The following DLG2 variants were observed in gnomAD, a reference collection of about 807,000 sequenced individuals.
DLG2 encodes discs large MAGUK scaffold protein 2, also known as disks large homolog 2.
In DLG2, 45 loss-of-function variants were observed where a neutral mutation model predicts 132.5. The observed-to-expected ratio is 0.34, with a 90% CI of 0.27 to 0.44. The LOEUF (loss-of-function observed/expected upper bound fraction) is 0.44, where lower values mean the gene tolerates loss of function less well. DLG2 is among the 20% of genes least tolerant of loss of function. The probability of loss-of-function intolerance (pLI) is 1.00; values close to 1 mark genes in which losing one functional copy is unlikely to be tolerated. For synonymous variants in DLG2, 424 were observed against 419.6 expected (o/e 1.01, Z -0.13); for missense variants, 1,045 against 1,196.9 (o/e 0.87, Z 1.87).
intron 20 of DLG2, among the ~76,000 whole-genome samples, chr11:83,541,311 T>G (rs1003175184): frequency 2.6e-5 from 4 of 152,142 alleles, no homozygotes; most frequent in African/African-American, 9.7e-5. Flanking sequence ...GACTTGGCCT[T>G]TCTATAACAT....
At chr11:83,927,751 T>C (rs1020565830) in intron 15 of DLG2, among the ~76,000 whole-genome samples, 4 of 152,058 alleles carry the variant, frequency 2.6e-5, no homozygotes, top group African/African-American at 9.7e-5. Context: ...ACAGTGGAAA[T>C]GGTGAGACCA....
chr11:83,787,826 A>G (rs1337378790), intron 17 of DLG2, among the ~76,000 whole-genome samples: 1 of 152,230 alleles, frequency 6.6e-6, no homozygotes, highest in Non-Finnish European at 1.5e-5. Context: ...CAAATTTAAT[A>G]AGAAGAAAAT....
intron 4 of DLG2, among the ~76,000 whole-genome samples, chr11:85,273,925 A>C (rs966983545): frequency 6.6e-6 from 1 of 152,236 alleles, no homozygotes; most frequent in Non-Finnish European, 1.5e-5. Flanking sequence ...CTATGAAGCC[A>C]TAAAAAAGAA....
chr11:83,836,288 C>A (rs954691578), intron 16 of DLG2, among the ~76,000 whole-genome samples: 12 of 152,166 alleles, frequency 7.9e-5, no homozygotes, highest in African/African-American at 2.4e-4. Flanking sequence ...CACAGACATA[C>A]TGAGGAAAAT....
chr11:85,591,969 G>T (rs1292654145), intron 3 of DLG2, among the ~76,000 whole-genome samples: 1 of 152,104 alleles, frequency 6.6e-6, no homozygotes, highest in Non-Finnish European at 1.5e-5. Flanking sequence ...CTCTTCTAAT[G>T]CAAATCCTAT....
intron 7 of DLG2, among the ~76,000 whole-genome samples, chr11:84,361,109 G>C (rs1283393778): frequency 1.3e-5 from 2 of 151,894 alleles, no homozygotes; most frequent in Non-Finnish European, 2.9e-5. Flanking sequence ...AATGAACAGA[G>C]TGCCAGTGAT....
chr11:84,618,044 C>A (rs2099607526), intron 6 of DLG2, among the ~76,000 whole-genome samples: 1 of 152,000 alleles, frequency 6.6e-6, no homozygotes, highest in Non-Finnish European at 1.5e-5. Context: ...GATCTGTGCA[C>A]TGAAACTTAA....
intron 10 of DLG2, among the ~76,000 whole-genome samples, chr11:84,081,950 G>C (rs955176412): frequency 2.0e-5 from 3 of 152,132 alleles, no homozygotes; most frequent in African/African-American, 7.2e-5. Flanking sequence ...GTATGTAAAA[G>C]CTTTCCTATT....
intron 6 of DLG2, among the ~76,000 whole-genome samples, chr11:84,603,342 T>G (rs1000616900): frequency 6.6e-6 from 1 of 151,970 alleles, no homozygotes; most frequent in Non-Finnish European, 1.5e-5. Flanking sequence ...AATGAATAAT[T>G]CAAATAAAAT....
chr11:85,622,199 G>A (rs1320193673), intron 2 of DLG2, among the ~76,000 whole-genome samples: 3 of 152,032 alleles, frequency 2.0e-5, no homozygotes, highest in Non-Finnish European at 2.9e-5. Flanking sequence ...TAATACGATC[G>A]CAAACCTAAT....
intron 7 of DLG2, among the ~76,000 whole-genome samples, chr11:84,404,100 G>A (rs2098840240): frequency 6.6e-6 from 1 of 151,704 alleles, no homozygotes; most frequent in African/African-American, 2.4e-5. Context: ...AAGCCTTATT[G>A]ACTTCCCACT....
At chr11:83,605,026 A>AGAGAGAGAGAGAGAGAGAGAGAGAGAGG in intron 19 of DLG2, among the ~76,000 whole-genome samples, 1 of 151,842 alleles carries the variant, frequency 6.6e-6, no homozygotes, top group Non-Finnish European at 1.5e-5. Flanking sequence ...AGAGAGAGAG[A>AGAGAGAGAGAGAGAGAGAGAGAGAGAGG]GAGAGAGAGA....
chr11:85,439,514 C>A (rs1400725090), intron 3 of DLG2, among the ~76,000 whole-genome samples: 1 of 152,042 alleles, frequency 6.6e-6, no homozygotes, highest in Admixed American at 6.6e-5. Flanking sequence ...CACCCACCAC[C>A]ACACCCGGCT....
At chr11:84,169,516 G>T (rs1045416664) in intron 8 of DLG2, among the ~76,000 whole-genome samples, 1 of 152,108 alleles carries the variant, frequency 6.6e-6, no homozygotes, top group Non-Finnish European at 1.5e-5. Flanking sequence ...AATCTAAGAT[G>T]CACTGCCTTG....
Position 85,281,166 on chromosome 11 carries a change from C to T in DLG2, c.186+4054G>A, listed in dbSNP as rs528292902. ...GCACTGGAGATGAAATTTCAAAAAA[C>T]GGTAGGTGAAACTTGTATTTAAGAT... On this transcript the variant is annotated intron_variant, in intron 4 of 27. Transcript: ENST00000376104. Among the ~76,000 whole-genome samples, 13 of 152,060 alleles carry T rather than the reference C, an allele frequency of 8.5e-5. No homozygotes were observed. The South Asian group carries it at 1.9e-3, about 22-fold the overall frequency.
At chr11:84,972,620 T>G (rs973804138) in intron 6 of DLG2, among the ~76,000 whole-genome samples, 1 of 152,226 alleles carries the variant, frequency 6.6e-6, no homozygotes, top group Non-Finnish European at 1.5e-5. Context: ...GGTTAAACGC[T>G]TAACACTAAC....
intron 8 of DLG2, among the ~76,000 whole-genome samples, chr11:84,178,592 C>T (rs375094561): frequency 6.6e-6 from 1 of 152,042 alleles, no homozygotes; most frequent in African/African-American, 2.4e-5. Context: ...ATTCCCTGGC[C>T]CACTCACAAA....
intron 18 of DLG2, among the ~76,000 whole-genome samples, chr11:83,746,448 A>G (rs926511283): frequency 1.3e-5 from 2 of 152,122 alleles, no homozygotes; most frequent in African/African-American, 4.8e-5. Flanking sequence ...GAAGCTGGAA[A>G]CCATCATTCT....
chr11:84,871,796 C>T (rs190816252), intron 6 of DLG2, among the ~76,000 whole-genome samples: 1 of 152,118 alleles, frequency 6.6e-6, no homozygotes, highest in Non-Finnish European at 1.5e-5. Flanking sequence ...GATCCTGGCT[C>T]ACTGCAACTT....
Sources: gnomAD v4.1 joint callset for allele counts (sites outside exome capture counted in the v4.1 genomes callset) on GRCh38, gnomAD v4.1.1 for gene constraint, MANE v1.5 for transcripts, NCBI Gene and HGNC (gene_info 2026-07-23, HGNC 2026-07-21) for gene names.